CAMK2D: variants seen among roughly 807,000 people sequenced by gnomAD.
The protein encoded by CAMK2D is calcium/calmodulin dependent protein kinase II delta.
In CAMK2D, 37 loss-of-function variants were observed where a neutral mutation model predicts 84.0. That is an observed-to-expected ratio of 0.44 (90% CI 0.34 to 0.58). CAMK2D has a LOEUF of 0.58. Ranked by LOEUF, CAMK2D falls within the 20% of genes least tolerant of loss-of-function variation. CAMK2D has a pLI of 0.02. For missense variants in CAMK2D, 448 were observed against 652.5 expected (o/e 0.69, Z 3.41); for synonymous variants, 202 against 212.5 (o/e 0.95, Z 0.43).
rs566837277 is a variant in CAMK2D at position 113,481,293 on chromosome 4, C to G, written c.1136-15689G>C. 1.6e-4 allele frequency among the ~76,000 whole-genome samples: 25 copies of G among 152,200 alleles called. No individual in the cohort carries two copies. The East Asian group carries it at 4.6e-3, about 28-fold the overall frequency. On this transcript the variant is annotated intron_variant, in intron 16 of 20. Coordinates refer to ENST00000511664, the MANE Select transcript of CAMK2D (RefSeq NM_001321571.2). ...TTATTATTCCCACTATTGCCCAACA[C>G]TATTCTAGATACTATGAATATGGCT...
At chr4:113,544,796 A>C (rs940858800) in intron 6 of CAMK2D, among the ~76,000 whole-genome samples, 9 of 152,140 alleles carry the variant, frequency 5.9e-5, no homozygotes, top group South Asian at 4.1e-4. Flanking sequence ...TTGGCCTGCC[A>C]CTGGACACAC....
At chr4:113,550,403 G>A (rs2098617371) in intron 5 of CAMK2D, among the ~76,000 whole-genome samples, 1 of 152,094 alleles carries the variant, frequency 6.6e-6, no homozygotes, top group Non-Finnish European at 1.5e-5. Context: ...GAACTCCTGG[G>A]CTCAAGCAAT....
chr4:113,663,780 G>A (rs976438402), intron 2 of CAMK2D, among the ~76,000 whole-genome samples: 2 of 151,614 alleles, frequency 1.3e-5, no homozygotes, highest in African/African-American at 4.8e-5. Flanking sequence ...GGAAGCAAAA[G>A]ACCTTTACAG....
intron 2 of CAMK2D, among the ~76,000 whole-genome samples, chr4:113,713,894 G>T (rs949723972): frequency 3.3e-5 from 5 of 150,562 alleles, no homozygotes; most frequent in Admixed American, 1.3e-4. Context: ...TTTTTGGGGG[G>T]GTGCATTTAT....
intron 4 of CAMK2D, among the ~76,000 whole-genome samples, chr4:113,606,578 C>T (rs2098978670): frequency 6.6e-6 from 1 of 151,310 alleles, no homozygotes; most frequent in Non-Finnish European, 1.5e-5. Context: ...AACTAAACAA[C>T]AGAAAGACAA....
intron 3 of CAMK2D, among the ~76,000 whole-genome samples, chr4:113,632,442 C>T (rs1263513656): frequency 1.3e-5 from 2 of 151,948 alleles, no homozygotes; most frequent in East Asian, 1.9e-4. Context: ...AGGCTGGTCT[C>T]GAACTCCTGA....
chr4:113,632,224 C>CATT (rs962750376), intron 3 of CAMK2D, among the ~76,000 whole-genome samples: 4 of 151,860 alleles, frequency 2.6e-5, no homozygotes, highest in South Asian at 2.1e-4. Flanking sequence ...TGTGTATTAT[C>CATT]ATTATTATTA....
chr4:113,462,583 CCATAGGCAAAGATATTAG>C (rs2097401116), intron 17 of CAMK2D, among the ~76,000 whole-genome samples: 1 of 152,034 alleles, frequency 6.6e-6, no homozygotes. Context: ...TTATAAGTCT[CCATAGGCAAAGATATTAG>C]TGAACTGGTA....
At chr4:113,589,174 T>C (rs1206746298) in intron 4 of CAMK2D, among the ~76,000 whole-genome samples, 1 of 152,104 alleles carries the variant, frequency 6.6e-6, no homozygotes, top group Non-Finnish European at 1.5e-5. Context: ...TGGAGTGTTT[T>C]GAGCAGAGGA....
intron 4 of CAMK2D, among the ~76,000 whole-genome samples, chr4:113,581,788 G>T (rs1489080322): frequency 2.0e-5 from 3 of 152,160 alleles, no homozygotes; most frequent in Non-Finnish European, 2.9e-5. Context: ...AACATTAAAT[G>T]TCATTGGGTA....
intron 4 of CAMK2D, among the ~76,000 whole-genome samples, chr4:113,570,567 A>T (rs2098747931): frequency 1.3e-5 from 2 of 152,304 alleles, no homozygotes; most frequent in South Asian, 2.1e-4. Flanking sequence ...TCTCTTCAGT[A>T]AGTGGTGCCA....
At position 113,515,186 on chromosome 4, in the gene CAMK2D, T is replaced by C. The variant is rs777424214; in HGVS notation, c.702A>G (p.Pro234=). The C allele has an allele frequency of 1.3e-6, 2 of 1,587,358 alleles. No individual in the cohort carries two copies. Among genetic ancestry groups the C allele is most frequent in the Admixed American group, 1.8e-5 (1 of 54,226 alleles). The change falls in exon 10 of 21, where the codon CCA becomes CCG. Residue 234 remains proline (P), a synonymous_variant. Transcript: ENST00000511664. ...QQIKAGAYDF[P]SPEWDTVTPE... is the part of the protein sequence containing the mutation. ...GAGTCACCGTGTCCCATTCTGGTGA[T>C]GGAAACTTCAAAAATATAAATTTAT...
chr4:113,745,228 T>C (rs1347337431), intron 2 of CAMK2D, among the ~76,000 whole-genome samples: 1 of 152,222 alleles, frequency 6.6e-6, no homozygotes, highest in Non-Finnish European at 1.5e-5. Flanking sequence ...CCAGATTGTC[T>C]ATCCTTTGCC....
At chr4:113,464,340 T>TA (rs1208887652) in intron 17 of CAMK2D, among the ~76,000 whole-genome samples, 1 of 152,196 alleles carries the variant, frequency 6.6e-6, no homozygotes, top group Non-Finnish European at 1.5e-5. Context: ...TCACGCAATA[T>TA]AAAAAATTAA....
At chr4:113,685,285 CTGGAG>C (rs2099356620) in intron 2 of CAMK2D, among the ~76,000 whole-genome samples, 1 of 147,510 alleles carries the variant, frequency 6.8e-6, no homozygotes, top group Non-Finnish European at 1.5e-5. Context: ...GTCACCCAGG[CTGGAG>C]TGGAGTGGCG....
chr4:113,588,121 T>C (rs1033419050), intron 4 of CAMK2D, among the ~76,000 whole-genome samples: 1 of 152,164 alleles, frequency 6.6e-6, no homozygotes, highest in Non-Finnish European at 1.5e-5. Flanking sequence ...TGAGAAAATA[T>C]ATTAATCCAT....
intron 2 of CAMK2D, among the ~76,000 whole-genome samples, chr4:113,685,584 A>G (rs964201900): frequency 4.6e-5 from 7 of 152,326 alleles, no homozygotes; most frequent in South Asian, 4.1e-4. Flanking sequence ...CGTGAAAGGT[A>G]ATAAATTAGG....
chr4:113,674,174 A>AT (rs1195734063), intron 2 of CAMK2D, among the ~76,000 whole-genome samples: 7 of 152,088 alleles, frequency 4.6e-5, no homozygotes, highest in African/African-American at 1.7e-4. Context: ...ATGCTTGCAT[A>AT]TTTTTTTAAA....
chr4:113,714,181 A>G (rs1181500809), intron 2 of CAMK2D, among the ~76,000 whole-genome samples: 1 of 152,070 alleles, frequency 6.6e-6, no homozygotes, highest in African/African-American at 2.4e-5. Context: ...CTATTAGTTT[A>G]TGATACCACC....
Sources: gnomAD v4.1 joint callset for allele counts (sites outside exome capture counted in the v4.1 genomes callset) on GRCh38, gnomAD v4.1.1 for gene constraint, MANE v1.5 for transcripts, NCBI Gene and HGNC (gene_info 2026-07-23, HGNC 2026-07-21) for gene names.